C1QTNF3: variants seen among roughly 807,000 people sequenced by gnomAD.
The protein encoded by C1QTNF3 is complement C1q tumor necrosis factor-related protein 3.
In C1QTNF3, 26 loss-of-function variants were observed where a neutral mutation model predicts 32.6. The ratio of observed to expected loss-of-function variants is 0.80; its 90% CI spans 0.58 to 1.11. C1QTNF3 has a LOEUF of 1.11. C1QTNF3 is among the 50% of genes least tolerant of loss of function. The pLI is 0.00. For synonymous variants in C1QTNF3, 155 were observed against 146.0 expected, an observed-to-expected ratio of 1.06 and a Z score of -0.44; for missense variants, 362 against 398.2, an observed-to-expected ratio of 0.91 and a Z score of 0.77.
the C1QTNF3 span, among the ~76,000 whole-genome samples, chr5:34,220,815 T>A: frequency 6.6e-6 from 1 of 152,014 alleles, no homozygotes; most frequent in Non-Finnish European, 1.5e-5. Context: ...CCCTACAGAA[T>A]GATCAGAATA....
the C1QTNF3 span, among the ~76,000 whole-genome samples, chr5:34,103,417 G>C: frequency 6.6e-6 from 1 of 151,170 alleles, no homozygotes; most frequent in Non-Finnish European, 1.5e-5. Flanking sequence ...GTCCTCATGT[G>C]TGTTCTTTAG....
chr5:34,139,533 T>C, the C1QTNF3 span, among the ~76,000 whole-genome samples: 1 of 152,070 alleles, frequency 6.6e-6, no homozygotes, highest in Non-Finnish European at 1.5e-5. Context: ...AATTCAACTA[T>C]CATAGAAAAT....
chr5:34,183,225 C>T, the C1QTNF3 span, among the ~76,000 whole-genome samples: 16 of 151,770 alleles, frequency 1.1e-4, no homozygotes, highest in African/African-American at 3.9e-4. Flanking sequence ...GATCCGCCTG[C>T]CTCGGCCTCC....
At chr5:34,041,830 A>C (rs909301863) in intron 1 of C1QTNF3, among the ~76,000 whole-genome samples, 3 of 151,966 alleles carry the variant, frequency 2.0e-5, no homozygotes, top group African/African-American at 4.8e-5. Flanking sequence ...ATATAACCAA[A>C]CAACCAACCC....
the C1QTNF3 span, chr5:34,218,164 A>G: frequency 6.6e-6 from 1 of 152,522 alleles, no homozygotes; most frequent in African/African-American, 2.4e-5. Context: ...TGTATTTGAT[A>G]TATCGTTTAT....
chr5:34,046,631 G>A (rs545721712), upstream of C1QTNF3, among the ~76,000 whole-genome samples: 61 of 152,296 alleles, frequency 4.0e-4, 2 homozygotes, highest in South Asian at 0.013. Flanking sequence ...GATCTCAGAC[G>A]TTGAGACTCC....
At chr5:34,230,379 A>G in the C1QTNF3 span, among the ~76,000 whole-genome samples, 2 of 152,288 alleles carry the variant, frequency 1.3e-5, no homozygotes, top group African/African-American at 4.8e-5. Flanking sequence ...TGTAATTTTT[A>G]TAACAGCCAC....
chr5:34,146,710 C>G, the C1QTNF3 span, among the ~76,000 whole-genome samples: 2 of 152,136 alleles, frequency 1.3e-5, no homozygotes. Context: ...AACTAAAATC[C>G]TAGAAGAAAA....
the C1QTNF3 span, among the ~76,000 whole-genome samples, chr5:34,064,156 C>T: frequency 1.3e-5 from 2 of 152,178 alleles, no homozygotes; most frequent in Admixed American, 1.3e-4. Flanking sequence ...TTAAGTCCAG[C>T]AGCCACGCTA....
the C1QTNF3 span, among the ~76,000 whole-genome samples, chr5:34,062,581 T>C: frequency 7.2e-5 from 11 of 152,330 alleles, no homozygotes; most frequent in East Asian, 1.9e-3. Context: ...AACCAATTAT[T>C]AGGCAATTCT....
chr5:34,139,615 T>C, the C1QTNF3 span, among the ~76,000 whole-genome samples: 1 of 152,176 alleles, frequency 6.6e-6, no homozygotes, highest in African/African-American at 2.4e-5. Context: ...TATTTTTTTT[T>C]ACTTGACAAA....
the C1QTNF3 span, among the ~76,000 whole-genome samples, chr5:34,221,687 T>C: frequency 6.6e-6 from 1 of 152,120 alleles, no homozygotes; most frequent in Non-Finnish European, 1.5e-5. Flanking sequence ...ACAGTGACAG[T>C]AATTCAGAAA....
the C1QTNF3 span, among the ~76,000 whole-genome samples, chr5:34,235,546 CTTTTTTT>C: frequency 3.8e-5 from 4 of 103,934 alleles, no homozygotes; most frequent in Non-Finnish European, 7.9e-5. Context: ...ATTTCTTTTT[CTTTTTTT>C]TTTTTTTTTT....
chr5:34,114,815 G>A, the C1QTNF3 span, among the ~76,000 whole-genome samples: 1 of 151,226 alleles, frequency 6.6e-6, no homozygotes, highest in Non-Finnish European at 1.5e-5. Flanking sequence ...ACACATCATT[G>A]TGCCCTGTGT....
At chr5:34,176,227 G>T in the C1QTNF3 span, among the ~76,000 whole-genome samples, 30 of 145,740 alleles carry the variant, frequency 2.1e-4, no homozygotes, top group Middle Eastern at 7.0e-3. Context: ...CACAGGAAGG[G>T]GAACATCACA....
intron 2 of C1QTNF3, among the ~76,000 whole-genome samples, chr5:34,034,903 A>G (rs553333986): frequency 2.0e-5 from 3 of 152,346 alleles, no homozygotes; most frequent in Admixed American, 1.3e-4. Context: ...TAGAAAAAAA[A>G]TTGAACCACA....
chr5:34,123,856 C>T, the C1QTNF3 span, among the ~76,000 whole-genome samples: 2 of 152,054 alleles, frequency 1.3e-5, no homozygotes, highest in African/African-American at 2.4e-5. Flanking sequence ...GAGTGGTATA[C>T]GTATGCGAGT....
intron 4 of C1QTNF3, among the ~76,000 whole-genome samples, chr5:34,027,541 T>A (rs1391717957): frequency 6.6e-6 from 1 of 151,932 alleles, no homozygotes; most frequent in Non-Finnish European, 1.5e-5. Context: ...CTACTAAAAC[T>A]ACAAAAATTA....
chr5:34,154,348 A>G, the C1QTNF3 span, among the ~76,000 whole-genome samples: 1 of 152,190 alleles, frequency 6.6e-6, no homozygotes, highest in African/African-American at 2.4e-5. Context: ...CTTTCAAAAT[A>G]GGCATTCGTC....
Sources: allele counts gnomAD v4.1 joint callset (sites outside exome capture counted in the v4.1 genomes callset), GRCh38; gene constraint gnomAD v4.1.1; transcripts MANE v1.5; gene names NCBI Gene and HGNC (gene_info 2026-07-23, HGNC 2026-07-21).